The following ACSL3 variants were observed in gnomAD, a reference collection of about 807,000 sequenced individuals.
The protein encoded by ACSL3 is acyl-CoA synthetase long chain family member 3.
In ACSL3, 34 loss-of-function variants were observed where a neutral mutation model predicts 84.7. That is an observed-to-expected ratio of 0.40 (90% CI 0.31 to 0.53). The LOEUF (loss-of-function observed/expected upper bound fraction) is 0.53. Among genes scored for constraint, ACSL3 ranks in the 20% least tolerant of loss-of-function variants. The pLI, the probability that ACSL3 is intolerant of heterozygous loss-of-function variation, is 0.48. For synonymous variants in ACSL3, 315 were observed against 299.4 expected, an observed-to-expected ratio of 1.05 and a Z score of -0.54; for missense variants, 680 against 873.1, an observed-to-expected ratio of 0.78 and a Z score of 2.79.
At chr2:222,930,863 A>G (rs756250456) in intron 14 of ACSL3, 51 bp downstream of exon 14, 12 of 1,480,020 alleles carry the variant, frequency 8.1e-6, no homozygotes, top group Admixed American at 2.1e-5. Flanking sequence ...AATAGTTTAC[A>G]CAAGAAGCAC....
At chr2:222,928,317 A>G (rs1362410135) in intron 12 of ACSL3, among the ~76,000 whole-genome samples, 1 of 152,208 alleles carries the variant, frequency 6.6e-6, no homozygotes, top group Non-Finnish European at 1.5e-5. Flanking sequence ...ATGGTGATAC[A>G]TTACATGGGA....
intron 1 of ACSL3, among the ~76,000 whole-genome samples, chr2:222,873,155 T>A (rs2106086177): frequency 6.6e-6 from 1 of 152,332 alleles, no homozygotes; most frequent in East Asian, 1.9e-4. Flanking sequence ...GTTAACTTTT[T>A]ATGATTTGAA....
At chr2:222,923,178 G>A in intron 10 of ACSL3, 29 bp downstream of exon 10, 1 of 1,546,646 alleles carries the variant, frequency 6.5e-7, no homozygotes, top group Non-Finnish European at 8.9e-7. Context: ...TTAATATTGA[G>A]TATTAAAGAA....
chr2:222,925,986 C>T (rs1191399244), intron 11 of ACSL3, among the ~76,000 whole-genome samples: 1 of 152,110 alleles, frequency 6.6e-6, no homozygotes, highest in African/African-American at 2.4e-5. Context: ...TAATTTAGAA[C>T]TTTGTAAGTT....
At chr2:222,883,543 A>G (rs1255707449) in intron 1 of ACSL3, among the ~76,000 whole-genome samples, 1 of 152,072 alleles carries the variant, frequency 6.6e-6, no homozygotes, top group East Asian at 1.9e-4. Context: ...TTGAGAATTT[A>G]CGTGGCTCTG....
chr2:222,883,267 C>T (rs1436930755), intron 1 of ACSL3, among the ~76,000 whole-genome samples: 3 of 151,432 alleles, frequency 2.0e-5, no homozygotes, highest in Non-Finnish European at 2.9e-5. Context: ...TGCAACCTCC[C>T]CCTCCCGGGT....
rs57522671 is a variant in ACSL3, at chr2:222,901,964, A to AAAAAAAAAAAAG, written c.-41+1184_-41+1185insAAAAAAAAAAAG. On this transcript the variant is annotated intron_variant, in intron 3 of 16. Coordinates refer to ENST00000357430, the MANE Select transcript of ACSL3 (RefSeq NM_004457.5). ...GTCTCAAAAAAAAAAAAAAAAAAAA[A>AAAAAAAAAAAAG]GAACTCAAATATTGTTGAGGTAGCA... 7.3e-3 allele frequency among the ~76,000 whole-genome samples: 723 copies of AAAAAAAAAAAAG among 99,334 alleles called. 96 individuals carry two copies. The highest frequency in any genetic ancestry group is 0.021 in the South Asian group (53 of 2,560). The allele number at this position is 99,334 out of a possible 152,430, so 65.2% of individuals were successfully genotyped here. A position where few individuals can be genotyped will look rare whatever the true frequency, so the allele number is the denominator to read the frequency against.
intron 2 of ACSL3, among the ~76,000 whole-genome samples, chr2:222,895,104 C>G (rs968750541): frequency 1.3e-5 from 2 of 152,182 alleles, no homozygotes; most frequent in Admixed American, 6.5e-5. Flanking sequence ...CTTATTATTT[C>G]ATACTCCAGC....
At chr2:222,941,014 A>T (rs898654775) in intron 16 of ACSL3, among the ~76,000 whole-genome samples, 1 of 151,932 alleles carries the variant, frequency 6.6e-6, no homozygotes, top group Non-Finnish European at 1.5e-5. Context: ...TCATCCTCCC[A>T]CCTCAGCCTC....
In ACSL3 at chr2:222,902,667, A is replaced by C. The variant is rs146167322; in HGVS notation, c.-41+1887A>C. 3.8e-3 allele frequency among the ~76,000 whole-genome samples: 584 copies of C among 152,344 alleles called. 2 individuals carry two copies. The highest frequency in any genetic ancestry group is 0.02 in the Middle Eastern group (6 of 294). On this transcript the variant is annotated intron_variant, in intron 3 of 16. Transcript: ENST00000357430. ...CACATTGAAGGATGAGGAGGGCGGA[A>C]TTTATTAAGCAAAAGGAAAGCTCAG...
chr2:222,931,879 T>G (rs907007629), intron 14 of ACSL3, among the ~76,000 whole-genome samples: 16 of 152,106 alleles, frequency 1.1e-4, no homozygotes, highest in Non-Finnish European at 1.9e-4. Context: ...GACCTCTCAC[T>G]TTTCCCTTAG....
At position 222,928,908 on chromosome 2, in the gene ACSL3, T is replaced by C. The variant is rs1468315071; in HGVS notation, c.1512T>C (p.Cys504=). ...GAGTGGGAGCACCATTAGTTTGCTG[T>C]GAAATCAAATTAAAAAACTGGGAGG... ...TGRVGAPLVC[C]EIKLKNWEEG... Residue 504 remains cysteine (C), a synonymous_variant, in exon 13 of 17, where the codon TGT becomes TGC. Transcript: ENST00000357430. 6.2e-7 allele frequency: 1 copy of C among 1,613,632 alleles called. No individual in the cohort carries two copies.
Position 222,868,969 on chromosome 2 carries a change from C to CAA in ACSL3, c.-207+7726_-207+7727dup, listed in dbSNP as rs113574316. 2.2e-3 allele frequency among the ~76,000 whole-genome samples: 258 copies of CAA among 114,818 alleles called. 1 individual carries two copies. The highest frequency in any genetic ancestry group is 4.2e-3 in the African/African-American group (136 of 32,426). The allele number at this position is 114,818 out of a possible 152,430, so 75.3% of individuals were successfully genotyped here. A position where few individuals can be genotyped will look rare whatever the true frequency, so the allele number is the denominator to read the frequency against. ...TGGGCAACAGAGGGAGACGCTGTCTCAAAAAAAAAAAAAAAATTAGGATTT... is the reference window on the plus strand; with the variant it reads ...TGGGCAACAGAGGGAGACGCTGTCTCAAAAAAAAAAAAAAAAAATTAGGATTT... On this transcript the variant is annotated intron_variant, in intron 1 of 16. Coordinates refer to ENST00000357430, the MANE Select transcript of ACSL3 (RefSeq NM_004457.5).
At chr2:222,866,208 T>TGC (rs1695134552) in intron 1 of ACSL3, among the ~76,000 whole-genome samples, 1 of 151,848 alleles carries the variant, frequency 6.6e-6, no homozygotes. Context: ...TGCAGTGGCA[T>TGC]GATCTCGGCT....
At chr2:222,940,252 G>T (rs1407334439) in intron 16 of ACSL3, among the ~76,000 whole-genome samples, 1 of 152,180 alleles carries the variant, frequency 6.6e-6, no homozygotes, top group Non-Finnish European at 1.5e-5. Flanking sequence ...CTGGTTCAAT[G>T]ACATAATTTG....
intron 1 of ACSL3, among the ~76,000 whole-genome samples, chr2:222,882,795 G>A (rs529154054): frequency 1.7e-5 from 2 of 118,212 alleles, no homozygotes; most frequent in East Asian, 2.9e-4. Flanking sequence ...ACAGATTCTC[G>A]CTCTGTCGCC....
intron 2 of ACSL3, among the ~76,000 whole-genome samples, chr2:222,898,984 A>G (rs1696066547): frequency 1.3e-5 from 2 of 152,228 alleles, no homozygotes; most frequent in South Asian, 4.1e-4. Flanking sequence ...AGAAATTATT[A>G]ATGAAGAGGA....
intron 1 of ACSL3, among the ~76,000 whole-genome samples, chr2:222,881,232 T>C (rs1022841627): frequency 6.6e-6 from 1 of 152,260 alleles, no homozygotes; most frequent in South Asian, 2.1e-4. Flanking sequence ...ACTAGGTCTT[T>C]GGAATCCCAT....
chr2:222,921,051 C>T (rs1460293865), intron 7 of ACSL3: 1 of 628,194 alleles, frequency 1.6e-6, no homozygotes, highest in East Asian at 3.4e-5. Flanking sequence ...CCTTGTCTTG[C>T]TTCAGTTTTC....
Sources: gnomAD v4.1 joint callset for allele counts (sites outside exome capture counted in the v4.1 genomes callset) on GRCh38, gnomAD v4.1.1 for gene constraint, MANE v1.5 for transcripts, NCBI Gene and HGNC (gene_info 2026-07-23, HGNC 2026-07-21) for gene names.